SLC29A2: variants seen among roughly 807,000 people sequenced by gnomAD.
The protein encoded by SLC29A2 is solute carrier family 29 member 2.
A neutral mutation model predicts 48.8 loss-of-function variants in SLC29A2; 37 were observed. The ratio of observed to expected loss-of-function variants is 0.76; its 90% CI spans 0.58 to 1.00. The LOEUF is 1.00. SLC29A2 is among the 50% of genes least tolerant of loss of function. The pLI is 0.00. For synonymous variants in SLC29A2, 233 were observed against 261.7 expected (o/e 0.89, Z 1.06); for missense variants, 533 against 578.6 (o/e 0.92, Z 0.81).
intron 11 of SLC29A2, chr11:66,363,784 C>T (rs879922904): frequency 1.4e-5 from 8 of 567,138 alleles, no homozygotes; most frequent in Non-Finnish European, 2.2e-5. Flanking sequence ...CTGCCCTTTC[C>T]ACAGTGCTCT....
At chr11:66,371,482 T>C in intron 1 of SLC29A2, 81 bp downstream of exon 1, 1 of 1,516,718 alleles carries the variant, frequency 6.6e-7, no homozygotes, top group East Asian at 2.5e-5. Context: ...TTCGATCCGG[T>C]CTTCTCTGAG....
At chr11:66,364,123 C>T (rs1406070923) in intron 11 of SLC29A2, 102 bp downstream of exon 11, 2 of 1,014,096 alleles carry the variant, frequency 2.0e-6, no homozygotes, top group African/African-American at 3.2e-5. Context: ...TTGGGCTGGC[C>T]AGAAGCAGGA....
rs978426731 is a variant in SLC29A2 at position 66,363,411 on chromosome 11, T to C, written c.*25A>G. 7.7e-6 allele frequency: 12 copies of C among 1,551,104 alleles called. No individual in the cohort carries two copies. Among genetic ancestry groups the C allele is most frequent in the South Asian group, 6.7e-5 (6 of 89,630 alleles). ...CCGGAAGGAGACGTCGAGAAGAGGC[T>C]GCCAAAGAGCCTGGAGGGGCCACTT... On this transcript the variant is annotated 3_prime_UTR_variant, in exon 12 of 12. Transcript: ENST00000357440.
upstream of SLC29A2, chr11:66,372,020 C>G (rs554957970): frequency 4.5e-6 from 1 of 221,754 alleles, no homozygotes; most frequent in African/African-American, 2.4e-5. Flanking sequence ...CTCCACCCCC[C>G]GCCGAGAGCT....
chr11:66,368,445 C>T (rs1252163863), intron 5 of SLC29A2, 92 bp downstream of exon 5: 4 of 1,548,604 alleles, frequency 2.6e-6, no homozygotes, highest in African/African-American at 1.4e-5. Flanking sequence ...TCCATCTTCA[C>T]CCAGAACCCA....
Position 66,368,520 on chromosome 11 carries a change from C to T in SLC29A2, c.550+17G>A. 6.2e-7 allele frequency: 1 copy of T among 1,613,468 alleles called. No individual in the cohort carries two copies. Among genetic ancestry groups the T allele is most frequent in the Non-Finnish European group, 8.5e-7 (1 of 1,179,966 alleles). On this transcript the variant is annotated intron_variant, in intron 5 of 11. Transcript: ENST00000357440. ...TCAGAGGCCACCCCAGCCCTCCAGC[C>T]ACCCAAGTGCACTCACTGGCCATGG... is the stretch of plus-strand genomic sequence containing the variant.
Position 66,366,576 on chromosome 11 carries a change from G to A in SLC29A2, c.734-12C>T. 1 of 1,613,010 alleles carries A rather than the reference G, an allele frequency of 6.2e-7. No individual in the cohort carries two copies. The highest frequency in any genetic ancestry group is 1.1e-5 in the South Asian group (1 of 91,030). ...AATCCCGTTCTCATCTGGGGTGAGG[G>A]GGGACGGGGAAGGGTCATGCTTGTG... On this transcript the variant is annotated splice_polypyrimidine_tract_variant and intron_variant, in intron 7 of 11. Transcript: ENST00000357440.
chr11:66,366,721 G>A (rs761226769), intron 7 of SLC29A2, among the ~76,000 whole-genome samples, 157 bp from the exon 8 acceptor site: 9 of 152,278 alleles, frequency 5.9e-5, no homozygotes, highest in Non-Finnish European at 1.2e-4. Flanking sequence ...AGGCCGAGGC[G>A]GGCATATTGC....
chr11:66,369,823 C>T (rs1035633160), intron 2 of SLC29A2, among the ~76,000 whole-genome samples: 1 of 152,222 alleles, frequency 6.6e-6, no homozygotes, highest in African/African-American at 2.4e-5. Context: ...ACTCCTGCAG[C>T]AGCTGCTACA....
At chr11:66,368,850 C>G (rs549130536) in intron 4 of SLC29A2, among the ~76,000 whole-genome samples, 179 bp from the exon 5 acceptor site, 1 of 152,238 alleles carries the variant, frequency 6.6e-6, no homozygotes, top group Non-Finnish European at 1.5e-5. Flanking sequence ...TGAGGTGCAG[C>G]CATTGGTCTG....
intron 8 of SLC29A2, 93 bp from the exon 9 acceptor site, chr11:66,366,324 C>T (rs1855691289): frequency 2.5e-5 from 40 of 1,601,120 alleles, no homozygotes; most frequent in Non-Finnish European, 3.4e-5. Context: ...ACACTTGGGG[C>T]CTGGCCCAGC....
At position 66,371,730 on chromosome 11, in the gene SLC29A2, A is replaced by G; in HGVS notation, c.-139T>C. The G allele has an allele frequency of 2.5e-6, 2 of 803,326 alleles. No individual in the cohort carries two copies. Among genetic ancestry groups the G allele is most frequent in the Non-Finnish European group, 1.9e-6 (1 of 518,948 alleles). The allele number at this position is 803,326 out of a possible 1,614,324, so 49.8% of individuals were successfully genotyped here. On this transcript the variant is annotated 5_prime_UTR_variant, in exon 1 of 12. Transcript: ENST00000357440. The stretch of plus-strand genomic sequence containing the variant: ...CGGTGCAGGGCGGCTGGAGTCGCAC[A>G]GGTAGCCTCGGGCGGATTTCGGCGT...
chr11:66,364,537 T>G (rs1158004689), intron 10 of SLC29A2, 113 bp from the exon 11 acceptor site: 6 of 760,078 alleles, frequency 7.9e-6, no homozygotes, highest in Non-Finnish European at 1.3e-5. Context: ...GGAGTCTCGC[T>G]CTGTTGCCCA....
chr11:66,371,821 CG>C, upstream of SLC29A2: 2 of 562,824 alleles, frequency 3.6e-6, no homozygotes, highest in Non-Finnish European at 6.3e-6. Context: ...TCGCGCCACC[CG>C]TCTCTCCTTC....
intron 5 of SLC29A2, 109 bp downstream of exon 5, chr11:66,368,428 G>T: frequency 1.4e-6 from 2 of 1,442,974 alleles, no homozygotes; most frequent in Non-Finnish European, 9.6e-7. Context: ...CATATCACCT[G>T]CTTACCTCCA....
intron 2 of SLC29A2, 56 bp from the exon 3 acceptor site, chr11:66,369,588 T>C (rs1855917554): frequency 6.3e-7 from 1 of 1,595,174 alleles, no homozygotes; most frequent in East Asian, 2.2e-5. Context: ...CCCCGCTGCC[T>C]TCCCCCTCAC....
chr11:66,369,642 C>T, intron 2 of SLC29A2, 110 bp from the exon 3 acceptor site: 1 of 1,300,188 alleles, frequency 7.7e-7, no homozygotes, highest in Non-Finnish European at 1.1e-6. Context: ...TCTGCCTTGT[C>T]CTTGTTCTGT....
rs192877986 is a variant in SLC29A2, at chr11:66,362,896, C to T, written c.*540G>A. ...GGGGCCCAGGCCCAGCTGGGCTCTG[C>T]GGAGTGGGTACAGTAAGTGTTGGCA... On this transcript the variant is annotated 3_prime_UTR_variant, in exon 12 of 12. Coordinates refer to ENST00000357440, the MANE Select transcript of SLC29A2 (RefSeq NM_001532.3). 242 of 187,070 alleles carry T rather than the reference C, an allele frequency of 1.3e-3. No individual in the cohort carries two copies. Among genetic ancestry groups the T allele is most frequent in the African/African-American group, 5.5e-3 (233 of 42,372 alleles). 11.6% of individuals were successfully genotyped at this position (187,070 alleles called of 1,614,324 possible). A position where few individuals can be genotyped will look rare whatever the true frequency, so the allele number is the denominator to read the frequency against.
In SLC29A2 at chr11:66,366,427, A is replaced by C; in HGVS notation, c.867+4T>G. The C allele has an allele frequency of 6.2e-7, 1 of 1,614,190 alleles. No homozygotes were observed. The highest frequency in any genetic ancestry group is 8.5e-7 in the Non-Finnish European group (1 of 1,180,038). ...GGTGGTTGGGGGCTGTATCCAAGCCAAACCTTCTGGAAGACAGTGAAGACT... is the reference window on the plus strand; with the variant it reads ...GGTGGTTGGGGGCTGTATCCAAGCCCAACCTTCTGGAAGACAGTGAAGACT... On this transcript the variant is annotated splice_donor_region_variant and intron_variant, in intron 8 of 11. Coordinates refer to ENST00000357440, the MANE Select transcript of SLC29A2 (RefSeq NM_001532.3).
Sources: allele counts gnomAD v4.1 joint callset (sites outside exome capture counted in the v4.1 genomes callset), GRCh38; gene constraint gnomAD v4.1.1; transcripts MANE v1.5; gene names NCBI Gene and HGNC (gene_info 2026-07-23, HGNC 2026-07-21).